The following PCCB variants were observed in gnomAD, a reference collection of about 807,000 sequenced individuals.
The protein encoded by PCCB is propionyl-CoA carboxylase beta chain, mitochondrial.
In PCCB, 43 loss-of-function variants were observed where a neutral mutation model predicts 60.7. The observed-to-expected ratio is 0.71, with a 90% CI of 0.55 to 0.91. The LOEUF (loss-of-function observed/expected upper bound fraction) is 0.91. Among genes scored for constraint, PCCB ranks in the 40% least tolerant of loss-of-function variants. The pLI, the probability that PCCB is intolerant of heterozygous loss-of-function variation, is 0.00. For missense variants in PCCB, 766 were observed against 702.8 expected, an observed-to-expected ratio of 1.09 and a Z score of -1.02; for synonymous variants, 276 against 255.9, an observed-to-expected ratio of 1.08 and a Z score of -0.75.
chr3:136,276,761 C>T (rs1942341407), intron 5 of PCCB, among the ~76,000 whole-genome samples: 1 of 152,178 alleles, frequency 6.6e-6, no homozygotes. Context: ...AGCAGCAAAG[C>T]TGCCTGATTG....
intron 5 of PCCB, among the ~76,000 whole-genome samples, chr3:136,274,627 C>T (rs955165018): frequency 7.9e-5 from 12 of 152,138 alleles, no homozygotes; most frequent in Non-Finnish European, 1.5e-4. Context: ...CAATGAATTT[C>T]CCAGGAGTTC....
chr3:136,298,187 A>T, intron 8 of PCCB, 115 bp downstream of exon 8: 1 of 1,270,216 alleles, frequency 7.9e-7, no homozygotes, highest in South Asian at 1.2e-5. Context: ...AGTGTGGTAG[A>T]GTGGCTCCCA....
intron 5 of PCCB, among the ~76,000 whole-genome samples, chr3:136,276,650 A>G (rs148565706): frequency 0.012 from 1,755 of 152,246 alleles, 31 homozygotes; most frequent in East Asian, 0.047. Flanking sequence ...AAGGCTGTCT[A>G]TAGGTTCACC....
chr3:136,294,863 C>A (rs1933863117), intron 7 of PCCB, among the ~76,000 whole-genome samples: 1 of 152,102 alleles, frequency 6.6e-6, no homozygotes, highest in Non-Finnish European at 1.5e-5. Context: ...AGCAATCCTC[C>A]CACTTCGACC....
At chr3:136,324,899 T>A (rs1935247014) in intron 10 of PCCB, among the ~76,000 whole-genome samples, 1 of 152,162 alleles carries the variant, frequency 6.6e-6, no homozygotes, top group African/African-American at 2.4e-5. Flanking sequence ...TACCATTTTC[T>A]TTTATTTTTT....
Position 136,330,062 on chromosome 3 carries a change from C to T in PCCB, c.*36C>T, listed in dbSNP as rs1381666923. The stretch of plus-strand genomic sequence containing the variant: ...GGAAAAGAAACCAAGAACTGAATTA[C>T]TGTCTGCCCATTCACATCCCATTCC... On this transcript the variant is annotated 3_prime_UTR_variant, in exon 15 of 15. Coordinates refer to ENST00000251654, the MANE Select transcript of PCCB (RefSeq NM_000532.5). 3 of 1,613,346 alleles carry T rather than the reference C, an allele frequency of 1.9e-6. No homozygotes were observed. Among genetic ancestry groups the T allele is most frequent in the Non-Finnish European group, 2.5e-6 (3 of 1,179,602 alleles).
chr3:136,313,813 G>C (rs187404305), intron 9 of PCCB, among the ~76,000 whole-genome samples: 77 of 152,250 alleles, frequency 5.1e-4, no homozygotes, highest in Non-Finnish European at 3.2e-4. Flanking sequence ...AGCTAAGTTA[G>C]CAGTTCTGAA....
At chr3:136,275,889 G>C (rs548879878) in intron 5 of PCCB, among the ~76,000 whole-genome samples, 1 of 152,158 alleles carries the variant, frequency 6.6e-6, no homozygotes, top group Admixed American at 6.5e-5. Context: ...TCCTGCCTCA[G>C]CTTCCCGAGT....
chr3:136,292,072 G>A (rs1284806581), intron 6 of PCCB, among the ~76,000 whole-genome samples: 1 of 152,190 alleles, frequency 6.6e-6, no homozygotes, highest in Non-Finnish European at 1.5e-5. Flanking sequence ...TTGGTCTCCA[G>A]TTTTGGGGTG....
chr3:136,288,341 TTTA>T (rs1177963830), intron 6 of PCCB, among the ~76,000 whole-genome samples: 1 of 152,162 alleles, frequency 6.6e-6, no homozygotes, highest in Non-Finnish European at 1.5e-5. Context: ...TAAAATGTTT[TTTA>T]TTATTTTTTT....
intron 6 of PCCB, among the ~76,000 whole-genome samples, chr3:136,285,989 A>G (rs1933384317): frequency 6.6e-6 from 1 of 152,156 alleles, no homozygotes; most frequent in African/African-American, 2.4e-5. Context: ...TATGGGAGGA[A>G]GAAACACCAT....
chr3:136,296,301 T>A (rs536330989), intron 7 of PCCB, among the ~76,000 whole-genome samples: 34 of 152,352 alleles, frequency 2.2e-4, no homozygotes, highest in African/African-American at 6.7e-4. Context: ...ATTACCAGGC[T>A]ACTTTCTGTC....
At chr3:136,259,687 T>C (rs368681090) in intron 3 of PCCB, among the ~76,000 whole-genome samples, 23 of 152,238 alleles carry the variant, frequency 1.5e-4, no homozygotes, top group East Asian at 3.8e-4. Context: ...TTTTATTCTA[T>C]GGAATAATCT....
chr3:136,295,304 G>A (rs1933881835), intron 7 of PCCB, among the ~76,000 whole-genome samples: 1 of 152,180 alleles, frequency 6.6e-6, no homozygotes, highest in African/African-American at 2.4e-5. Context: ...AAGTAGAGAT[G>A]TGTCTTATCA....
intron 6 of PCCB, among the ~76,000 whole-genome samples, chr3:136,284,221 G>A (rs910070701): frequency 3.3e-5 from 5 of 152,156 alleles, no homozygotes; most frequent in African/African-American, 1.2e-4. Flanking sequence ...AAAGAATCCT[G>A]TCCTTTGACC....
At chr3:136,314,732 AGGCAAGAATCAT>A in intron 9 of PCCB, among the ~76,000 whole-genome samples, 1 of 152,366 alleles carries the variant, frequency 6.6e-6, no homozygotes, top group African/African-American at 2.4e-5. Context: ...GTAATGAGTC[AGGCAAGAATCAT>A]GGCTGCTTGG....
At chr3:136,256,271 G>A (rs1425303827) in intron 2 of PCCB, 1 of 566,958 alleles carries the variant, frequency 1.8e-6, no homozygotes, top group Non-Finnish European at 3.1e-6. Context: ...CCTCCTTCAT[G>A]TAAGCATAGA....
Position 136,307,977 on chromosome 3 carries a change from A to AAATAAT in PCCB, c.966+6886_966+6891dup, listed in dbSNP as rs142093462. Among the ~76,000 whole-genome samples, 432 of 150,344 alleles carry AAATAAT rather than the reference A, an allele frequency of 2.9e-3. 2 individuals carry two copies. The highest frequency in any genetic ancestry group is 9.3e-3 in the East Asian group (48 of 5,148). On this transcript the variant is annotated intron_variant, in intron 9 of 14. Coordinates refer to ENST00000251654, the MANE Select transcript of PCCB (RefSeq NM_000532.5). ...GCAACAAGAGTGAAACTCCATCTCAAAATAATAATAATAATAATAATAATA... is the reference window on the plus strand; with the variant it reads ...GCAACAAGAGTGAAACTCCATCTCAAAATAATAATAATAATAATAATAATAATAATA...
intron 5 of PCCB, among the ~76,000 whole-genome samples, chr3:136,264,937 T>C (rs1260862475): frequency 6.7e-6 from 1 of 150,078 alleles, no homozygotes; most frequent in African/African-American, 2.5e-5. Context: ...GGCTCATGCC[T>C]GTGATCCCAG....
Sources: allele counts gnomAD v4.1 joint callset (sites outside exome capture counted in the v4.1 genomes callset), GRCh38; gene constraint gnomAD v4.1.1; transcripts MANE v1.5; gene names NCBI Gene and HGNC (gene_info 2026-07-23, HGNC 2026-07-21).